GMEB2: variants seen among roughly 807,000 people sequenced by gnomAD.
The protein encoded by GMEB2 is glucocorticoid modulatory element-binding protein 2.
Under a neutral mutation model 45.7 loss-of-function variants are expected in GMEB2, and 7 were observed. The ratio of observed to expected loss-of-function variants is 0.15; its 90% CI spans 0.09 to 0.29. The LOEUF is 0.29. Among genes scored for constraint, GMEB2 ranks in the 10% least tolerant of loss-of-function variants. GMEB2 has a pLI of 1.00. For missense variants in GMEB2, 582 were observed against 739.2 expected (o/e 0.79, Z 2.47); for synonymous variants, 322 against 323.6 (o/e 1.00, Z 0.05).
At position 63,619,555 on chromosome 20, in the gene GMEB2, T is replaced by C; in HGVS notation, c.-57-101A>G. ...CTAATCAGCTCCAAAGACCCACCCT[T>C]GAGTCCCAGACTGCTACCTCCTGAC... is the stretch of plus-strand genomic sequence containing the variant. On this transcript the variant is annotated intron_variant, in intron 1 of 9. Coordinates refer to ENST00000370077, the MANE Select transcript of GMEB2 (RefSeq NM_012384.5). This position sits in a 1 kb window ranked among gnomAD's most constrained non-coding sequence, Gnocchi z 4.6. The C allele has an allele frequency of 1.6e-6, 1 of 622,154 alleles. No homozygotes were observed. Among genetic ancestry groups the C allele is most frequent in the Non-Finnish European group, 2.6e-6 (1 of 381,090 alleles). 38.5% of individuals were successfully genotyped at this position (622,154 alleles called of 1,614,324 possible).
intron 4 of GMEB2, among the ~76,000 whole-genome samples, chr20:63,602,608 T>A (rs2083249696): frequency 6.6e-6 from 1 of 152,208 alleles, no homozygotes; most frequent in African/African-American, 2.4e-5. Context: ...CCACCACAGG[T>A]GAGCCTGGGC....
intron 2 of GMEB2, among the ~76,000 whole-genome samples, chr20:63,612,895 G>T (rs1056482325): frequency 6.6e-6 from 1 of 152,140 alleles, no homozygotes; most frequent in Admixed American, 6.5e-5. Context: ...CCAACCAACA[G>T]AATTAAAAAT....
At chr20:63,626,617 G>C (rs947602430) in intron 1 of GMEB2, among the ~76,000 whole-genome samples, 3 of 151,204 alleles carry the variant, frequency 2.0e-5, no homozygotes, top group Admixed American at 2.0e-4. Context: ...TGCGGGTCGG[G>C]TGCCTGCGGG....
At chr20:63,610,715 C>T (rs1339377054) in intron 2 of GMEB2, among the ~76,000 whole-genome samples, 1 of 152,212 alleles carries the variant, frequency 6.6e-6, no homozygotes, top group Non-Finnish European at 1.5e-5. Context: ...GCTCCATAAG[C>T]CACTGTCCCG....
intron 2 of GMEB2, among the ~76,000 whole-genome samples, chr20:63,612,077 T>C (rs1044980606): frequency 1.3e-5 from 2 of 152,166 alleles, no homozygotes; most frequent in Admixed American, 1.3e-4. Flanking sequence ...AATCATTTCA[T>C]GTCTCCAGTT....
chr20:63,592,635 C>G lies in GMEB2; in HGVS notation c.727G>C (p.Ala243Pro), dbSNP rs144182072. 1 of 1,612,380 alleles carries G rather than the reference C, an allele frequency of 6.2e-7. No homozygotes were observed. Among genetic ancestry groups the G allele is most frequent in the Non-Finnish European group, 8.5e-7 (1 of 1,178,570 alleles). ...TFTFWRGLKDAGLLDEVIQEF... is the reference protein window; with the variant it reads ...TFTFWRGLKDPGLLDEVIQEF... Reference sequence around the variant, plus strand: ...TGGATGACCTCGTCCAGCAGGCCGGCGTCCTTCAGCCCCCGCCAGAAGGTA... The same window carrying G: ...TGGATGACCTCGTCCAGCAGGCCGGGGTCCTTCAGCCCCCGCCAGAAGGTA... Residue 243 changes from alanine to proline, a missense_variant, in exon 8 of 10, where the codon GCC (alanine) becomes CCC (proline). Physicochemically the swap from Ala to Pro is conservative, Grantham distance 27. Transcript: ENST00000370077. This position sits in a 1 kb window ranked among gnomAD's most constrained non-coding sequence, Gnocchi z 8.2.
At chr20:63,611,735 C>T (rs1002769273) in intron 2 of GMEB2, among the ~76,000 whole-genome samples, 4 of 152,106 alleles carry the variant, frequency 2.6e-5, no homozygotes, top group East Asian at 1.9e-4. Flanking sequence ...TGTTTTGCAT[C>T]GGCCAGACAT....
At position 63,592,758 on chromosome 20, in the gene GMEB2, C is replaced by T. The variant is rs564059447; in HGVS notation, c.692-88G>A. 98 of 1,103,920 alleles carry T rather than the reference C, an allele frequency of 8.9e-5. No individual in the cohort carries two copies. The highest frequency in any genetic ancestry group is 9.9e-5 in the Non-Finnish European group (72 of 725,790). 68.4% of individuals were successfully genotyped at this position (1,103,920 alleles called of 1,614,324 possible). A position where few individuals can be genotyped will look rare whatever the true frequency, so the allele number is the denominator to read the frequency against. On this transcript the variant is annotated intron_variant, in intron 7 of 9. Coordinates refer to ENST00000370077, the MANE Select transcript of GMEB2 (RefSeq NM_012384.5). The surrounding 1 kb of genome is among the most constrained non-coding windows in gnomAD (Gnocchi z 8.2). ...AGCCACAAGGACATCACCATAGCCA[C>T]GAGGACACCATGCCAGAGCCGGCAG... is the stretch of plus-strand genomic sequence containing the variant.
At chr20:63,602,920 A>G (rs766915) in intron 4 of GMEB2, 45 bp downstream of exon 4, 1,254,806 of 1,582,500 alleles carry the variant, frequency 0.79, 507,827 homozygotes, top group Non-Finnish European at 0.84. Flanking sequence ...AGTCACAGAC[A>G]CCATGAGGCC....
At chr20:63,617,226 T>G (rs2089614999) in intron 2 of GMEB2, among the ~76,000 whole-genome samples, 1 of 152,104 alleles carries the variant, frequency 6.6e-6, no homozygotes. Flanking sequence ...TCTGTCTCCC[T>G]CGGCCTCCTG....
intron 4 of GMEB2, among the ~76,000 whole-genome samples, chr20:63,600,348 A>G (rs1211173278): frequency 2.7e-5 from 4 of 150,396 alleles, no homozygotes; most frequent in African/African-American, 9.8e-5. Context: ...CCCAGCCTAC[A>G]TTTTTTTCTG....
In GMEB2 at chr20:63,589,915, C is replaced by A; in HGVS notation, c.*174G>T. Reference sequence around the variant, plus strand: ...AGACCGATTTTCCAGGTTGCTCTCGCTGTTCTGTCCCCTTCTCTCTTCTCG... The same window carrying A: ...AGACCGATTTTCCAGGTTGCTCTCGATGTTCTGTCCCCTTCTCTCTTCTCG... On this transcript the variant is annotated 3_prime_UTR_variant, in exon 10 of 10. Transcript: ENST00000370077. 1 of 460,088 alleles carries A rather than the reference C, an allele frequency of 2.2e-6. No homozygotes were observed. Among genetic ancestry groups the A allele is most frequent in the Non-Finnish European group, 3.7e-6 (1 of 267,670 alleles). 28.5% of individuals were successfully genotyped at this position (460,088 alleles called of 1,614,324 possible).
chr20:63,605,846 T>C (rs66613695), intron 2 of GMEB2, among the ~76,000 whole-genome samples: 28,237 of 152,026 alleles, frequency 0.19, 2,948 homozygotes, highest in African/African-American at 0.27. Flanking sequence ...TCCCAGCTAC[T>C]TGGGAGGCCA....
In GMEB2 at chr20:63,590,298, C is replaced by T. The variant is rs184763784; in HGVS notation, c.1384G>A (p.Val462Met). The T allele has an allele frequency of 4.3e-5, 70 of 1,612,688 alleles. 1 individual carries two copies. The East Asian group carries it at 1.1e-3, about 25-fold the overall frequency. ...TTGAACACCGTGCTACCGTCCTGCA[C>T]GGCGGCCGTGCTCAGGACCGTGAGG... ...SSLTVLSTAA[V>M]QDGSTVFKVV... is the part of the protein sequence containing the mutation. The change falls in exon 10 of 10, where the codon GTG becomes ATG. Residue 462 changes from valine (V) to methionine (M), a missense_variant. By Grantham distance (21) the Val-to-Met change is conservative. Transcript: ENST00000370077.
At position 63,590,284 on chromosome 20, in the gene GMEB2, G is replaced by A. The variant is rs1009291504; in HGVS notation, c.1398C>T (p.Ser466=). ...VLSTAAVQDG[S]TVFKVVSPLQ... ...GCGGGCTGACCACCTTGAACACCGT[G>A]CTACCGTCCTGCACGGCGGCCGTGC... The change falls in exon 10 of 10, where the codon AGC becomes AGT. Residue 466 remains serine (S), a synonymous_variant. Transcript: ENST00000370077. 1.9e-6 allele frequency: 3 copies of A among 1,612,758 alleles called. No individual in the cohort carries two copies. The highest frequency in any genetic ancestry group is 2.5e-6 in the Non-Finnish European group (3 of 1,179,808).
intron 2 of GMEB2, among the ~76,000 whole-genome samples, chr20:63,618,310 C>A (rs1249502793): frequency 6.6e-6 from 1 of 152,166 alleles, no homozygotes; most frequent in Admixed American, 6.5e-5. Context: ...TACCTCACAC[C>A]AGGAACCCAC....
intron 2 of GMEB2, among the ~76,000 whole-genome samples, chr20:63,606,496 C>T (rs1410683801): frequency 2.6e-5 from 4 of 152,096 alleles, no homozygotes; most frequent in East Asian, 1.9e-4. Flanking sequence ...TACAGGCGCC[C>T]GCCACCATGC....
chr20:63,619,320 A>G lies in GMEB2; in HGVS notation c.78T>C (p.Ser26=). Residue 26 remains serine, a synonymous_variant, in exon 2 of 10, where the codon AGT becomes AGC. Coordinates refer to ENST00000370077, the MANE Select transcript of GMEB2 (RefSeq NM_012384.5). The surrounding 1 kb of genome is among the most constrained non-coding windows in gnomAD (Gnocchi z 4.6). ...ACACGGTCTTCACCCCCTCCACACC[A>G]CTGCCGTCCACTGCAGTGTCCGGAG... ...VTTPDTAVDG[S]GVEGVKTVLV... The G allele has an allele frequency of 1.2e-6, 2 of 1,612,818 alleles. No individual in the cohort carries two copies. The highest frequency in any genetic ancestry group is 1.7e-6 in the Non-Finnish European group (2 of 1,179,838).
chr20:63,590,100 C>T lies in GMEB2; in HGVS notation c.1582G>A (p.Glu528Lys), dbSNP rs973542159. The T allele has an allele frequency of 1.3e-5, 20 of 1,510,748 alleles. No homozygotes were observed. Among genetic ancestry groups the T allele is most frequent in the Admixed American group, 1.3e-4 (6 of 46,692 alleles). 93.6% of individuals were successfully genotyped at this position (1,510,748 alleles called of 1,614,324 possible). A position where few individuals can be genotyped will look rare whatever the true frequency, so the allele number is the denominator to read the frequency against. ...IEVAAMAEDH[E>K]RK ...CGCCCTCCTGTCGGCTACTTCCGCT[C>T]GTGGTCCTCTGCCATGGCAGCCACC... Residue 528 changes from glutamate to lysine, a missense_variant, in exon 10 of 10, where the codon GAG becomes AAG. Glu to Lys is a moderately conservative substitution (Grantham distance 56). Coordinates refer to ENST00000370077, the MANE Select transcript of GMEB2 (RefSeq NM_012384.5).
Sources: gnomAD v4.1 joint callset for allele counts (sites outside exome capture counted in the v4.1 genomes callset) on GRCh38, gnomAD v4.1.1 for gene constraint, Gnocchi (gnomAD v3.1) non-coding constraint, MANE v1.5 for transcripts, NCBI Gene and HGNC (gene_info 2026-07-23, HGNC 2026-07-21) for gene names.